Variants in GUCY1A2 observed in about 807,000 individuals in gnomAD.
GUCY1A2 encodes guanylate cyclase 1 soluble subunit alpha 2.
In GUCY1A2, 27 loss-of-function variants were observed where a neutral mutation model predicts 63.5. The ratio of observed to expected loss-of-function variants is 0.43; its 90% CI spans 0.31 to 0.59. The LOEUF (loss-of-function observed/expected upper bound fraction) is 0.59, where lower values mean the gene tolerates loss of function less well. Ranked by LOEUF, GUCY1A2 falls within the 20% of genes least tolerant of loss-of-function variation. The pLI, the probability that GUCY1A2 is intolerant of heterozygous loss-of-function variation, is 0.11. For synonymous variants in GUCY1A2, 364 were observed against 343.5 expected (o/e 1.06, Z -0.66); for missense variants, 768 against 913.3 (o/e 0.84, Z 2.05).
chr11:106,958,479 TCTC>T (rs1398374550), intron 3 of GUCY1A2, among the ~76,000 whole-genome samples: 1 of 152,184 alleles, frequency 6.6e-6, no homozygotes, highest in Non-Finnish European at 1.5e-5. Flanking sequence ...TTTGAACAAA[TCTC>T]CTCTTCTCAC....
chr11:106,902,307 G>A (rs752527472), intron 4 of GUCY1A2, among the ~76,000 whole-genome samples: 10 of 152,144 alleles, frequency 6.6e-5, no homozygotes, highest in Non-Finnish European at 1.5e-4. Flanking sequence ...AGGCTTTGTT[G>A]TTCTATTTAT....
intron 4 of GUCY1A2, among the ~76,000 whole-genome samples, chr11:106,815,158 G>T (rs1858814359): frequency 6.6e-6 from 1 of 151,814 alleles, no homozygotes. Flanking sequence ...AAACATGCTG[G>T]GTGGGCTCAA....
chr11:106,921,530 A>G (rs2119903931), intron 4 of GUCY1A2, among the ~76,000 whole-genome samples: 1 of 152,280 alleles, frequency 6.6e-6, no homozygotes, highest in African/African-American at 2.4e-5. Flanking sequence ...CATTATGACC[A>G]TACCATTCTC....
intron 4 of GUCY1A2, among the ~76,000 whole-genome samples, chr11:106,881,217 T>C (rs1040304178): frequency 2.0e-5 from 3 of 152,024 alleles, no homozygotes; most frequent in African/African-American, 7.2e-5. Flanking sequence ...TATATAAATA[T>C]GAAGCAATGT....
intron 1 of GUCY1A2, among the ~76,000 whole-genome samples, chr11:106,990,664 C>T (rs924932694): frequency 7.2e-5 from 11 of 152,228 alleles, no homozygotes; most frequent in Non-Finnish European, 1.3e-4. Flanking sequence ...CTCAATTTTA[C>T]AGAGATGAAG....
At position 107,017,755 on chromosome 11, in the gene GUCY1A2, A is replaced by G; in HGVS notation, c.301T>C (p.Ser101Pro). ...GESISRLTAP[S>P]PQTIQQTLKR... ...CCCCCCTTCCGCCCCCCGCTCACCG[A>G]GGGCGCCGTCAGGCGGCTGATGCTC... Residue 101 changes from serine to proline, a missense_variant and splice_region_variant, in exon 1 of 8, where the codon TCG becomes CCG. Physicochemically the swap from Ser to Pro is moderately conservative, Grantham distance 74. This residue lies in a region of GUCY1A2 where 496 missense variants were observed against 486.9 expected (regional missense o/e 1.02). Transcript: ENST00000526355. 7.2e-7 allele frequency: 1 copy of G among 1,396,076 alleles called. No homozygotes were observed. The highest frequency in any genetic ancestry group is 9.3e-7 in the Non-Finnish European group (1 of 1,076,304). The allele number at this position is 1,396,076 out of a possible 1,614,324, so 86.5% of individuals were successfully genotyped here. A position where few individuals can be genotyped will look rare whatever the true frequency, so the allele number is the denominator to read the frequency against.
chr11:106,779,305 A>T (rs2135404509), intron 5 of GUCY1A2, among the ~76,000 whole-genome samples: 1 of 152,368 alleles, frequency 6.6e-6, no homozygotes, highest in African/African-American at 2.4e-5. Flanking sequence ...AGACTAAAAT[A>T]TACTTCCTGG....
intron 5 of GUCY1A2, among the ~76,000 whole-genome samples, chr11:106,797,961 A>C (rs994362167): frequency 5.3e-5 from 8 of 152,306 alleles, no homozygotes; most frequent in African/African-American, 1.9e-4. Context: ...CCCTTCAAAA[A>C]ATCAATGAAT....
chr11:106,789,199 CTG>C (rs1188894183), intron 5 of GUCY1A2, among the ~76,000 whole-genome samples: 3 of 152,112 alleles, frequency 2.0e-5, no homozygotes, highest in Non-Finnish European at 2.9e-5. Flanking sequence ...ATTCCTCTGA[CTG>C]TGTATTTTCA....
chr11:106,879,928 A>G (rs912515066), intron 4 of GUCY1A2, among the ~76,000 whole-genome samples: 2 of 152,082 alleles, frequency 1.3e-5, no homozygotes, highest in Non-Finnish European at 2.9e-5. Context: ...ATCTAATTTT[A>G]AAAATTGATC....
chr11:106,984,274 C>T (rs1161337875), intron 2 of GUCY1A2, among the ~76,000 whole-genome samples: 1 of 152,160 alleles, frequency 6.6e-6, no homozygotes, highest in Non-Finnish European at 1.5e-5. Context: ...ATCAAGACCC[C>T]TCTTTATACT....
chr11:106,902,143 TC>T (rs1444083339), intron 4 of GUCY1A2, among the ~76,000 whole-genome samples: 1 of 152,180 alleles, frequency 6.6e-6, no homozygotes, highest in East Asian at 1.9e-4. Context: ...AACATTTATC[TC>T]CTTGTACACC....
chr11:106,992,741 CACA>C (rs1861487288), intron 1 of GUCY1A2, among the ~76,000 whole-genome samples: 2 of 152,088 alleles, frequency 1.3e-5, no homozygotes, highest in Admixed American at 6.5e-5. Flanking sequence ...CTTGAGAACA[CACA>C]ACATTCTTTA....
chr11:106,906,705 G>C (rs1333343021), intron 4 of GUCY1A2, among the ~76,000 whole-genome samples: 1 of 152,198 alleles, frequency 6.6e-6, no homozygotes, highest in Non-Finnish European at 1.5e-5. Flanking sequence ...ATCAATGATA[G>C]ACTGGATTAA....
intron 6 of GUCY1A2, among the ~76,000 whole-genome samples, chr11:106,766,337 GTGTCATGATA>G: frequency 6.6e-6 from 1 of 152,160 alleles, no homozygotes; most frequent in South Asian, 2.1e-4. Context: ...GGTACACTGT[GTGTCATGATA>G]TTACCAAGTT....
chr11:106,696,221 A>T (rs1862716456), intron 7 of GUCY1A2, among the ~76,000 whole-genome samples: 1 of 152,214 alleles, frequency 6.6e-6, no homozygotes, highest in African/African-American at 2.4e-5. Flanking sequence ...TTTGACCTTT[A>T]ACAGCCTAAA....
chr11:106,749,819 C>A lies in GUCY1A2; in HGVS notation c.1836+26620G>T, dbSNP rs551146270. ...TCTCCTTCCAAGTAAACTACCTACA[C>A]CCAAGACCTTATCTCAGATTCTTGA... On this transcript the variant is annotated intron_variant, in intron 6 of 7. Coordinates refer to ENST00000526355, the MANE Select transcript of GUCY1A2 (RefSeq NM_000855.3). 2.6e-5 allele frequency among the ~76,000 whole-genome samples: 4 copies of A among 152,166 alleles called. No individual in the cohort carries two copies. In the South Asian group the frequency reaches 6.2e-4, roughly 24 times the overall value.
chr11:106,998,879 T>TA (rs1196432233), intron 1 of GUCY1A2, among the ~76,000 whole-genome samples: 1 of 152,220 alleles, frequency 6.6e-6, no homozygotes, highest in African/African-American at 2.4e-5. Flanking sequence ...ATTTTGTTTT[T>TA]ACTTCCCAAT....
At chr11:106,748,503 C>T (rs1227301170) in intron 6 of GUCY1A2, among the ~76,000 whole-genome samples, 1 of 152,152 alleles carries the variant, frequency 6.6e-6, no homozygotes, top group Non-Finnish European at 1.5e-5. Flanking sequence ...TTTTTCAGCC[C>T]TTCTGTGTTC....
Sources: allele counts gnomAD v4.1 joint callset (sites outside exome capture counted in the v4.1 genomes callset), GRCh38; gene constraint gnomAD v4.1.1; regional missense constraint gnomAD v4.1.1; transcripts MANE v1.5; gene names NCBI Gene and HGNC (gene_info 2026-07-23, HGNC 2026-07-21).